The following INPP4B variants were observed in gnomAD, a reference collection of about 807,000 sequenced individuals.
INPP4B encodes the protein inositol polyphosphate-4-phosphatase type II B.
In INPP4B, 55 loss-of-function variants were observed where a neutral mutation model predicts 122.5. The observed-to-expected ratio is 0.45, with a 90% CI of 0.36 to 0.56. INPP4B has a LOEUF of 0.56. INPP4B is among the 20% of genes least tolerant of loss of function. INPP4B has a pLI of 0.00. For synonymous variants in INPP4B, 403 were observed against 388.7 expected (o/e 1.04, Z -0.43); for missense variants, 1,000 against 1,097.7 (o/e 0.91, Z 1.26).
chr4:142,158,827 TAGTG>T (rs1285731043), intron 17 of INPP4B, among the ~76,000 whole-genome samples: 1 of 151,854 alleles, frequency 6.6e-6, no homozygotes, highest in African/African-American at 2.4e-5. Context: ...TTGTAAAACA[TAGTG>T]AGTTAAAATG....
At chr4:142,340,497 T>G (rs370355266) in intron 7 of INPP4B, among the ~76,000 whole-genome samples, 6 of 152,214 alleles carry the variant, frequency 3.9e-5, no homozygotes, top group African/African-American at 1.4e-4. Context: ...TGCCTCCAAC[T>G]CCGGGGCTCA....
chr4:142,170,989 A>C (rs1825359613), intron 16 of INPP4B, among the ~76,000 whole-genome samples: 1 of 151,714 alleles, frequency 6.6e-6, no homozygotes, highest in African/African-American at 2.4e-5. Context: ...GGATCTACAA[A>C]TATTGCCTAC....
At chr4:142,687,207 G>T (rs1375944964) in intron 2 of INPP4B, among the ~76,000 whole-genome samples, 1 of 152,002 alleles carries the variant, frequency 6.6e-6, no homozygotes, top group Non-Finnish European at 1.5e-5. Flanking sequence ...CCAAAGCAGA[G>T]AACTGGGAGG....
intron 2 of INPP4B, among the ~76,000 whole-genome samples, chr4:142,605,519 A>C (rs1056892390): frequency 6.6e-6 from 1 of 151,966 alleles, no homozygotes; most frequent in Non-Finnish European, 1.5e-5. Context: ...ATATTTGCAA[A>C]TTACTTATCC....
chr4:142,473,788 G>A (rs887498659), intron 2 of INPP4B, among the ~76,000 whole-genome samples: 1 of 152,166 alleles, frequency 6.6e-6, no homozygotes, highest in African/African-American at 2.4e-5. Flanking sequence ...CCCACAGATA[G>A]CCAGATGGGA....
chr4:142,370,278 C>T (rs538722158), intron 7 of INPP4B, among the ~76,000 whole-genome samples: 37 of 152,204 alleles, frequency 2.4e-4, no homozygotes, highest in African/African-American at 8.9e-4. Context: ...TGAATACTGA[C>T]CCACTCTCAT....
chr4:142,773,488 C>T (rs1260117591), intron 1 of INPP4B, among the ~76,000 whole-genome samples: 1 of 152,116 alleles, frequency 6.6e-6, no homozygotes, highest in South Asian at 2.1e-4. Context: ...AATGTACACA[C>T]ACACATTACT....
chr4:142,224,746 C>T (rs192250761), intron 12 of INPP4B, among the ~76,000 whole-genome samples: 38 of 150,630 alleles, frequency 2.5e-4, no homozygotes, highest in African/African-American at 7.1e-4. Context: ...TATAGAATAC[C>T]GAATATCTGA....
chr4:142,614,005 A>G (rs949682157), intron 2 of INPP4B, among the ~76,000 whole-genome samples: 1 of 152,236 alleles, frequency 6.6e-6, no homozygotes, highest in Admixed American at 6.5e-5. Context: ...TGATGGTTAT[A>G]GGAACGGGTA....
At chr4:142,516,527 G>A (rs1825432402) in intron 2 of INPP4B, among the ~76,000 whole-genome samples, 1 of 152,066 alleles carries the variant, frequency 6.6e-6, no homozygotes, top group African/African-American at 2.4e-5. Flanking sequence ...GTTGGAGCTA[G>A]AATTCAAACC....
chr4:142,395,399 A>C (rs1260630998), intron 7 of INPP4B, among the ~76,000 whole-genome samples: 1 of 152,218 alleles, frequency 6.6e-6, no homozygotes, highest in Non-Finnish European at 1.5e-5. Flanking sequence ...TGAGAAGTCA[A>C]GCGAACTATA....
intron 11 of INPP4B, among the ~76,000 whole-genome samples, chr4:142,246,142 ATATACATATATG>A (rs1221376343): frequency 5.3e-5 from 8 of 150,316 alleles, no homozygotes; most frequent in Non-Finnish European, 7.4e-5. Context: ...ACACATATAT[ATATACATATATG>A]TGTTTTGGTA....
At chr4:142,168,556 C>G (rs1195561533) in intron 16 of INPP4B, among the ~76,000 whole-genome samples, 3 of 151,500 alleles carry the variant, frequency 2.0e-5, no homozygotes, top group African/African-American at 7.3e-5. Flanking sequence ...AATTTAGTCC[C>G]GCTACTAGGG....
In INPP4B at chr4:142,535,562, A is replaced by G. The variant is rs114813084; in HGVS notation, c.-190-72836T>C. Among the ~76,000 whole-genome samples, 585 of 152,258 alleles carry G rather than the reference A, an allele frequency of 3.8e-3. 7 individuals carry two copies. The highest frequency in any genetic ancestry group is 0.013 in the African/African-American group (551 of 41,574). On this transcript the variant is annotated intron_variant, in intron 2 of 25. Coordinates refer to ENST00000262992, the MANE Select transcript of INPP4B (RefSeq NM_001101669.3). Reference sequence around the variant, plus strand: ...AATGCAAGAACACTAATTGAGCTATAGCGAATCTCTCACATGTAATAAATG... The same window carrying G: ...AATGCAAGAACACTAATTGAGCTATGGCGAATCTCTCACATGTAATAAATG...
chr4:142,204,759 A>G (rs1024827419), intron 14 of INPP4B, among the ~76,000 whole-genome samples: 1 of 152,084 alleles, frequency 6.6e-6, no homozygotes, highest in Non-Finnish European at 1.5e-5. Context: ...TAGCAGGCCA[A>G]TGATTGCCAG....
intron 7 of INPP4B, among the ~76,000 whole-genome samples, chr4:142,397,932 A>G (rs777813816): frequency 9.9e-5 from 15 of 152,202 alleles, no homozygotes; most frequent in Non-Finnish European, 1.9e-4. Flanking sequence ...AAGTGAGAGA[A>G]ATCCTATGGA....
intron 23 of INPP4B, among the ~76,000 whole-genome samples, chr4:142,097,626 G>T (rs2152614761): frequency 6.6e-6 from 1 of 152,068 alleles, no homozygotes; most frequent in East Asian, 1.9e-4. Context: ...AGATCATATG[G>T]CCCACAATGC....
At chr4:142,835,502 A>T (rs1280085681) in intron 1 of INPP4B, among the ~76,000 whole-genome samples, 7 of 152,196 alleles carry the variant, frequency 4.6e-5, no homozygotes, top group African/African-American at 9.6e-5. Context: ...TTTTCATTTT[A>T]AAAAATGTCT....
chr4:142,316,024 G>A (rs1006184905), intron 7 of INPP4B, among the ~76,000 whole-genome samples: 1 of 151,874 alleles, frequency 6.6e-6, no homozygotes, highest in African/African-American at 2.4e-5. Flanking sequence ...TGCTAATCTT[G>A]AACACAGTTG....
Sources: allele counts gnomAD v4.1 joint callset (sites outside exome capture counted in the v4.1 genomes callset), GRCh38; gene constraint gnomAD v4.1.1; transcripts MANE v1.5; gene names NCBI Gene and HGNC (gene_info 2026-07-23, HGNC 2026-07-21).